The following FHIT variants were observed in gnomAD, a reference collection of about 807,000 sequenced individuals.
FHIT encodes the protein bis(5'-adenosyl)-triphosphatase.
In FHIT, 19 loss-of-function variants were observed where a neutral mutation model predicts 17.9. The observed-to-expected ratio is 1.06, with a 90% CI of 0.74 to 1.56. FHIT has a LOEUF of 1.56. Among genes scored for constraint, FHIT ranks in the 40% most tolerant of loss-of-function variants. FHIT has a pLI of 0.00. For synonymous variants in FHIT, 81 were observed against 69.7 expected, an observed-to-expected ratio of 1.16 and a Z score of -0.81; for missense variants, 248 against 189.2, an observed-to-expected ratio of 1.31 and a Z score of -1.82.
rs1559862381 is a variant in FHIT, at chr3:60,955,618, A to ACACATATATATATATACATG, written c.-111+86428_-111+86429insCATGTATATATATATATGTG. Among the ~76,000 whole-genome samples, 5 of 14,574 alleles carry ACACATATATATATATACATG rather than the reference A, an allele frequency of 3.4e-4. 1 individual carries two copies. Among genetic ancestry groups the ACACATATATATATATACATG allele is most frequent in the Non-Finnish European group, 1.1e-3 (5 of 4,656 alleles). The allele number at this position is 14,574 out of a possible 152,430, so 9.6% of individuals were successfully genotyped here. A position where few individuals can be genotyped will look rare whatever the true frequency, so the allele number is the denominator to read the frequency against. On this transcript the variant is annotated intron_variant, in intron 3 of 9. Transcript: ENST00000492590. ...TATACATATATATATATATATATAT[A>ACACATATATATATATACATG]TATATATATATATATACACACACAC...
intron 8 of FHIT, among the ~76,000 whole-genome samples, chr3:59,813,364 A>G (rs1003737870): frequency 6.6e-6 from 1 of 152,144 alleles, no homozygotes; most frequent in Non-Finnish European, 1.5e-5. Context: ...CTGGCTCTCG[A>G]TAAGGTTCGC....
chr3:59,986,041 C>T (rs1385193409), intron 7 of FHIT, among the ~76,000 whole-genome samples: 1 of 152,006 alleles, frequency 6.6e-6, no homozygotes, highest in African/African-American at 2.4e-5. Context: ...AGTATCACTT[C>T]CTTTGCGGTC....
chr3:60,913,577 G>C (rs1464709863), intron 3 of FHIT, among the ~76,000 whole-genome samples: 1 of 152,206 alleles, frequency 6.6e-6, no homozygotes, highest in Non-Finnish European at 1.5e-5. Context: ...GTGTGTTTCT[G>C]TGATCTTTAC....
At chr3:60,901,213 C>T (rs1036917097) in intron 3 of FHIT, among the ~76,000 whole-genome samples, 1 of 152,078 alleles carries the variant, frequency 6.6e-6, no homozygotes, top group African/African-American at 2.4e-5. Context: ...TTTAAAACTT[C>T]AATGTTTTGT....
chr3:61,046,473 G>T (rs1196450647), intron 2 of FHIT, among the ~76,000 whole-genome samples: 1 of 152,074 alleles, frequency 6.6e-6, no homozygotes, highest in Non-Finnish European at 1.5e-5. Flanking sequence ...ACCAATAACA[G>T]GCTCTGAAAT....
At chr3:60,923,220 C>T (rs1169888963) in intron 3 of FHIT, among the ~76,000 whole-genome samples, 2 of 152,292 alleles carry the variant, frequency 1.3e-5, no homozygotes, top group East Asian at 3.9e-4. Flanking sequence ...TCTCCACAAA[C>T]GTTTAGGGAA....
chr3:60,691,161 G>A (rs748983498), intron 4 of FHIT, among the ~76,000 whole-genome samples: 6 of 151,944 alleles, frequency 3.9e-5, no homozygotes, highest in Non-Finnish European at 8.8e-5. Context: ...GTTGTGCTCC[G>A]AAGAGCTTTT....
intron 5 of FHIT, among the ~76,000 whole-genome samples, chr3:60,090,956 C>T (rs1703706104): frequency 1.3e-5 from 2 of 152,194 alleles, no homozygotes; most frequent in Non-Finnish European, 2.9e-5. Flanking sequence ...GATTTCAAAA[C>T]AGTTTCTCAT....
chr3:60,302,404 T>C (rs1296815641), intron 5 of FHIT, among the ~76,000 whole-genome samples: 4 of 152,056 alleles, frequency 2.6e-5, no homozygotes. Context: ...TCTCCTATCT[T>C]AGGGCCTCTG....
intron 5 of FHIT, among the ~76,000 whole-genome samples, chr3:60,472,198 A>G (rs1007688441): frequency 6.6e-6 from 1 of 151,780 alleles, no homozygotes. Flanking sequence ...GAGGAAAGAT[A>G]TATATTTAAG....
chr3:60,763,770 C>A (rs1458797252), intron 4 of FHIT, among the ~76,000 whole-genome samples: 2 of 152,182 alleles, frequency 1.3e-5, no homozygotes, highest in African/African-American at 2.4e-5. Context: ...TATTACAAGG[C>A]TGCTAGCTCT....
At chr3:60,618,717 T>G (rs558842767) in intron 4 of FHIT, among the ~76,000 whole-genome samples, 1 of 152,296 alleles carries the variant, frequency 6.6e-6, no homozygotes, top group South Asian at 2.1e-4. Context: ...TTTGATTAAG[T>G]TAAGGGCCTT....
At position 61,206,045 on chromosome 3, in the gene FHIT, G is replaced by A. The variant is rs1358722811; in HGVS notation, c.-212-5380C>T. 1.6e-5 allele frequency among the ~76,000 whole-genome samples: 2 copies of A among 125,156 alleles called. 1 individual carries two copies. The highest frequency in any genetic ancestry group is 6.0e-5 in the African/African-American group (2 of 33,310). The allele number at this position is 125,156 out of a possible 152,430, so 82.1% of individuals were successfully genotyped here. A position where few individuals can be genotyped will look rare whatever the true frequency, so the allele number is the denominator to read the frequency against. The stretch of plus-strand genomic sequence containing the variant: ...TTCAGCTTTCTACATATGGCTGCCA[G>A]TTTTCCCAGCACCATTTATTAAATA... On this transcript the variant is annotated intron_variant, in intron 1 of 9. Coordinates refer to ENST00000492590, the MANE Select transcript of FHIT (RefSeq NM_002012.4).
intron 4 of FHIT, among the ~76,000 whole-genome samples, chr3:60,652,432 T>C (rs533050647): frequency 2.4e-4 from 37 of 151,960 alleles, no homozygotes; most frequent in African/African-American, 8.4e-4. Context: ...TGAAATCCCA[T>C]CTCTACTAAA....
chr3:60,291,188 G>A (rs1424439748), intron 5 of FHIT, among the ~76,000 whole-genome samples: 1 of 152,038 alleles, frequency 6.6e-6, no homozygotes, highest in African/African-American at 2.4e-5. Context: ...GAGGGGTTCT[G>A]GAAAAATGGG....
chr3:59,799,776 G>C (rs375664587), intron 8 of FHIT, among the ~76,000 whole-genome samples: 7 of 152,258 alleles, frequency 4.6e-5, no homozygotes, highest in African/African-American at 1.7e-4. Flanking sequence ...AATATTCTCT[G>C]AAACAGACTC....
chr3:60,949,586 C>T (rs1708790893), intron 3 of FHIT, among the ~76,000 whole-genome samples: 1 of 152,182 alleles, frequency 6.6e-6, no homozygotes, highest in South Asian at 2.1e-4. Flanking sequence ...TCCCTCCTCC[C>T]TATCCTGTCG....
intron 5 of FHIT, among the ~76,000 whole-genome samples, chr3:60,304,277 T>G (rs755740164): frequency 1.3e-5 from 2 of 152,126 alleles, no homozygotes; most frequent in Non-Finnish European, 2.9e-5. Flanking sequence ...TTTTGGCAAG[T>G]AAATCAACAA....
chr3:60,577,589 A>G (rs1330314859), intron 4 of FHIT, among the ~76,000 whole-genome samples: 2 of 152,210 alleles, frequency 1.3e-5, no homozygotes, highest in African/African-American at 4.8e-5. Flanking sequence ...ATTTTGTAAG[A>G]AAAAGGTTGC....
Sources: gnomAD v4.1 joint callset for allele counts (sites outside exome capture counted in the v4.1 genomes callset) on GRCh38, gnomAD v4.1.1 for gene constraint, MANE v1.5 for transcripts, NCBI Gene and HGNC (gene_info 2026-07-23, HGNC 2026-07-21) for gene names.